The following PRKN variants were observed in gnomAD, a reference collection of about 807,000 sequenced individuals.
PRKN encodes the protein E3 ubiquitin-protein ligase parkin.
PRKN carries 56 observed loss-of-function variants against 59.5 expected under a neutral mutation model. The ratio of observed to expected loss-of-function variants is 0.94; its 90% CI spans 0.76 to 1.18. PRKN has a LOEUF of 1.18. PRKN is among the 50% of genes most tolerant of loss of function. PRKN has a pLI of 0.00. For synonymous variants in PRKN, 250 were observed against 222.1 expected (o/e 1.13, Z -1.12); for missense variants, 657 against 596.4 (o/e 1.10, Z -1.06).
chr6:162,725,607 A>G (rs1232522531), intron 1 of PRKN, among the ~76,000 whole-genome samples: 2 of 151,960 alleles, frequency 1.3e-5, no homozygotes, highest in Non-Finnish European at 2.9e-5. Flanking sequence ...AAAAACTATA[A>G]CAAAAAATTG....
chr6:161,617,650 G>T (rs1162764338), intron 7 of PRKN, among the ~76,000 whole-genome samples: 1 of 152,210 alleles, frequency 6.6e-6, no homozygotes, highest in African/African-American at 2.4e-5. Flanking sequence ...AGATGGGTTT[G>T]TGGTATTTAT....
chr6:161,682,365 T>C (rs1785398570), intron 7 of PRKN, among the ~76,000 whole-genome samples: 1 of 152,226 alleles, frequency 6.6e-6, no homozygotes, highest in African/African-American at 2.4e-5. Flanking sequence ...TCAGATTTAA[T>C]TTGATTTTAA....
intron 2 of PRKN, among the ~76,000 whole-genome samples, chr6:162,320,954 C>T (rs1782995951): frequency 6.6e-6 from 1 of 151,662 alleles, no homozygotes; most frequent in African/African-American, 2.4e-5. Context: ...TCTTCACATT[C>T]CACCTTCACA....
At position 161,588,536 on chromosome 6, in the gene PRKN, G is replaced by A. The variant is rs1421131170; in HGVS notation, c.872-19120C>T. 6.6e-6 allele frequency among the ~76,000 whole-genome samples: 1 copy of A among 151,994 alleles called. No homozygotes were observed. Among genetic ancestry groups the A allele is most frequent in the Non-Finnish European group, 1.5e-5 (1 of 67,996 alleles). ...TGGTGTTGCTCTTGCTTTTTTTAAT[G>A]AAGGGAAGACTGGAAAAGGGAAAGT... is the stretch of plus-strand genomic sequence containing the variant. On this transcript the variant is annotated intron_variant, in intron 7 of 11. Coordinates refer to ENST00000366898, the MANE Select transcript of PRKN (RefSeq NM_004562.3). This position sits in a 1 kb window ranked among gnomAD's most constrained non-coding sequence, Gnocchi z 5.0.
intron 1 of PRKN, among the ~76,000 whole-genome samples, chr6:162,703,124 TG>T (rs1382176403): frequency 1.3e-5 from 2 of 152,026 alleles, no homozygotes; most frequent in Non-Finnish European, 2.9e-5. Context: ...TTTAATAGAG[TG>T]GCAACAAAAA....
At chr6:162,479,006 G>T (rs764577811) in intron 1 of PRKN, among the ~76,000 whole-genome samples, 1 of 152,008 alleles carries the variant, frequency 6.6e-6, no homozygotes, top group South Asian at 2.1e-4. Context: ...GCACACTCAG[G>T]CTACGCTAAA....
chr6:162,356,670 AAGG>A (rs1224614170), intron 2 of PRKN, among the ~76,000 whole-genome samples: 2 of 151,150 alleles, frequency 1.3e-5, no homozygotes, highest in South Asian at 4.2e-4. Context: ...CACAACACTG[AAGG>A]AGAACAAATA....
At chr6:162,192,752 A>C (rs1784337113) in intron 4 of PRKN, among the ~76,000 whole-genome samples, 1 of 152,120 alleles carries the variant, frequency 6.6e-6, no homozygotes, top group Admixed American at 6.6e-5. Context: ...ATATACACAT[A>C]CTTTTTCAGA....
intron 1 of PRKN, among the ~76,000 whole-genome samples, chr6:162,612,173 A>G (rs1017047602): frequency 1.4e-5 from 2 of 138,080 alleles, no homozygotes; most frequent in Non-Finnish European, 3.1e-5. Context: ...AGCCTCGGAG[A>G]CAGAGTGAGA....
chr6:162,455,017 G>A (rs1340621213), intron 1 of PRKN, among the ~76,000 whole-genome samples: 1 of 152,186 alleles, frequency 6.6e-6, no homozygotes, highest in East Asian at 1.9e-4. Flanking sequence ...TATGAATACA[G>A]ATACACAGTA....
At position 162,672,881 on chromosome 6, in the gene PRKN, C is replaced by T. The variant is rs201658342; in HGVS notation, c.7+54781G>A. Among the ~76,000 whole-genome samples, 12 of 152,214 alleles carry T rather than the reference C, an allele frequency of 7.9e-5. No homozygotes were observed. In the East Asian group the frequency reaches 1.7e-3, roughly 22 times the overall value. On this transcript the variant is annotated intron_variant, in intron 1 of 11. Coordinates refer to ENST00000366898, the MANE Select transcript of PRKN (RefSeq NM_004562.3). ...ATCACTGTCAATACATATCAAATGT[C>T]TTGAAATGACTATGTCAAGGTAACA...
In PRKN at chr6:161,390,574, C is replaced by T. The variant is rs1049965573; in HGVS notation, c.1084-3697G>A. Among the ~76,000 whole-genome samples the T allele has an allele frequency of 6.6e-5, 10 of 152,272 alleles. No homozygotes were observed. The highest frequency in any genetic ancestry group is 1.2e-4 in the Non-Finnish European group (8 of 68,028). On this transcript the variant is annotated intron_variant, in intron 9 of 11. Transcript: ENST00000366898. This position sits in a 1 kb window ranked among gnomAD's most constrained non-coding sequence, Gnocchi z 7.0. ...CACCATCTCGGCTCACTGCAACCTC[C>T]GCCTCCCGGGTTCAAGCAATTCTCC...
At chr6:162,079,038 G>C (rs1778951466) in intron 4 of PRKN, among the ~76,000 whole-genome samples, 1 of 152,030 alleles carries the variant, frequency 6.6e-6, no homozygotes, top group Non-Finnish European at 1.5e-5. Context: ...AGCGGTGACA[G>C]CTGATAGCCT....
At chr6:162,300,817 T>C (rs1161847992) in intron 2 of PRKN, among the ~76,000 whole-genome samples, 1 of 152,126 alleles carries the variant, frequency 6.6e-6, no homozygotes, top group African/African-American at 2.4e-5. Context: ...ATTCTTTTTG[T>C]AGACAACCTA....
chr6:161,370,260 G>T (rs1785386354), intron 10 of PRKN, among the ~76,000 whole-genome samples: 1 of 151,462 alleles, frequency 6.6e-6, no homozygotes, highest in South Asian at 2.1e-4. Flanking sequence ...AAACTCCACT[G>T]GTAAATCAAA....
At chr6:161,856,531 A>T (rs956619141) in intron 6 of PRKN, among the ~76,000 whole-genome samples, 2 of 152,164 alleles carry the variant, frequency 1.3e-5, no homozygotes, top group Non-Finnish European at 2.9e-5. Context: ...TAGAAGGTAC[A>T]TATACTGTTT....
chr6:161,994,217 A>G (rs1781755877), intron 5 of PRKN, among the ~76,000 whole-genome samples: 1 of 151,440 alleles, frequency 6.6e-6, no homozygotes, highest in Non-Finnish European at 1.5e-5. Context: ...AAGATAATGA[A>G]GGACATATAG....
intron 7 of PRKN, among the ~76,000 whole-genome samples, chr6:161,580,767 C>T (rs112746345): frequency 0.028 from 4,251 of 151,958 alleles, 154 homozygotes; most frequent in African/African-American, 0.085. Flanking sequence ...TGTGAGCCAC[C>T]GCACCCAGCC....
At chr6:161,919,114 G>A (rs1229119725) in intron 6 of PRKN, among the ~76,000 whole-genome samples, 3 of 152,114 alleles carry the variant, frequency 2.0e-5, no homozygotes, top group Non-Finnish European at 4.4e-5. Context: ...CAATAACAAC[G>A]CAAATGTCCA....
Sources: gnomAD v4.1 joint callset for allele counts (sites outside exome capture counted in the v4.1 genomes callset) on GRCh38, gnomAD v4.1.1 for gene constraint, Gnocchi (gnomAD v3.1) non-coding constraint, MANE v1.5 for transcripts, NCBI Gene and HGNC (gene_info 2026-07-23, HGNC 2026-07-21) for gene names.